Variants in RAD51B observed in about 807,000 individuals in gnomAD.
The protein encoded by RAD51B is DNA repair protein RAD51 homolog 2.
In RAD51B, 38 loss-of-function variants were observed where a neutral mutation model predicts 42.2. The ratio of observed to expected loss-of-function variants is 0.90; its 90% confidence interval spans 0.70 to 1.18. The LOEUF (loss-of-function observed/expected upper bound fraction) is 1.18, where lower values mean the gene tolerates loss of function less well. RAD51B is among the 50% of genes most tolerant of loss of function. The pLI, the probability that RAD51B is intolerant of heterozygous loss-of-function variation, is 0.00. For missense variants in RAD51B, 373 were observed against 400.7 expected, an observed-to-expected ratio of 0.93 and a Z score of 0.59; for synonymous variants, 154 against 145.2, an observed-to-expected ratio of 1.06 and a Z score of -0.43.
intron 7 of RAD51B, among the ~76,000 whole-genome samples, chr14:68,258,615 G>A (rs2080809289): frequency 1.3e-5 from 2 of 151,908 alleles, no homozygotes; most frequent in African/African-American, 2.4e-5. Flanking sequence ...TAATAAAATG[G>A]GGTGTGTGTG....
chr14:67,885,357 A>C (rs2043031894), intron 5 of RAD51B, among the ~76,000 whole-genome samples: 1 of 152,200 alleles, frequency 6.6e-6, no homozygotes, highest in African/African-American at 2.4e-5. Context: ...TTGGAACATT[A>C]ATTTATTTGG....
chr14:68,662,981 C>T (rs1892963983), intron 11 of RAD51B, among the ~76,000 whole-genome samples: 1 of 152,226 alleles, frequency 6.6e-6, no homozygotes, highest in Admixed American at 6.5e-5. Flanking sequence ...CAGTTGGGTT[C>T]TGCCAGTGGG....
intron 7 of RAD51B, among the ~76,000 whole-genome samples, chr14:68,197,389 G>A (rs2079394439): frequency 6.6e-6 from 1 of 152,060 alleles, no homozygotes; most frequent in South Asian, 2.1e-4. Flanking sequence ...TGAGTAGTAT[G>A]CCATTGTAAA....
chr14:68,057,675 A>T (rs921156300), intron 7 of RAD51B, among the ~76,000 whole-genome samples: 2 of 152,074 alleles, frequency 1.3e-5, no homozygotes, highest in African/African-American at 4.8e-5. Context: ...TACTAGAAAA[A>T]TTGCTGGTTT....
At chr14:68,531,731 G>A (rs1040560189) in intron 10 of RAD51B, among the ~76,000 whole-genome samples, 4 of 152,114 alleles carry the variant, frequency 2.6e-5, no homozygotes. Context: ...AGGCATGGTG[G>A]CTCACACTTA....
chr14:68,240,141 A>T (rs1253385872), intron 7 of RAD51B, among the ~76,000 whole-genome samples: 1 of 152,182 alleles, frequency 6.6e-6, no homozygotes, highest in Non-Finnish European at 1.5e-5. Flanking sequence ...TGTATCTACC[A>T]TTATAAAGAC....
intron 7 of RAD51B, among the ~76,000 whole-genome samples, chr14:68,124,667 T>C (rs1223911194): frequency 6.6e-6 from 1 of 152,146 alleles, no homozygotes; most frequent in Non-Finnish European, 1.5e-5. Flanking sequence ...AAAGGAATTA[T>C]GTAAGGCCGG....
chr14:68,673,587 A>G (rs1033689990), intron 11 of RAD51B, among the ~76,000 whole-genome samples: 3 of 144,306 alleles, frequency 2.1e-5, no homozygotes, highest in African/African-American at 5.4e-5. Flanking sequence ...CATACTGTAC[A>G]TACACATATG....
chr14:68,386,624 A>G (rs926317023), intron 8 of RAD51B, among the ~76,000 whole-genome samples: 2 of 152,154 alleles, frequency 1.3e-5, no homozygotes, highest in East Asian at 1.9e-4. Context: ...GATAGTGCCT[A>G]GTACCTGAGT....
intron 7 of RAD51B, among the ~76,000 whole-genome samples, chr14:68,073,373 T>C (rs1406336162): frequency 1.3e-5 from 2 of 152,218 alleles, no homozygotes; most frequent in Non-Finnish European, 2.9e-5. Context: ...TGTTTGCTTG[T>C]TGGATCTTTC....
chr14:68,406,276 A>T (rs1053985805), intron 8 of RAD51B, among the ~76,000 whole-genome samples: 5 of 152,332 alleles, frequency 3.3e-5, no homozygotes, highest in African/African-American at 1.2e-4. Context: ...TTGTGTGAAC[A>T]TCATAGAATG....
chr14:68,414,167 G>T lies in RAD51B; in HGVS notation c.957+2640G>T, dbSNP rs113916121. The stretch of plus-strand genomic sequence containing the variant: ...TTGTCTGAGGGAAGGAGTCCTCCCT[G>T]GCTGATTATTTTCTTTACACCCTGG... On this transcript the variant is annotated intron_variant, in intron 9 of 10. Coordinates refer to ENST00000471583, the MANE Select transcript of RAD51B (RefSeq NM_133510.4). 7.4e-3 allele frequency among the ~76,000 whole-genome samples: 1,126 copies of T among 152,132 alleles called. 14 individuals are homozygous for T. Among genetic ancestry groups the T allele is most frequent in the African/African-American group, 0.026 (1,091 of 41,478 alleles).
At chr14:68,153,702 T>C (rs1303224237) in intron 7 of RAD51B, among the ~76,000 whole-genome samples, 2 of 152,168 alleles carry the variant, frequency 1.3e-5, no homozygotes, top group Non-Finnish European at 2.9e-5. Context: ...TTCATTTACA[T>C]TTCTTATATA....
chr14:68,028,954 G>A (rs574832673), intron 7 of RAD51B, among the ~76,000 whole-genome samples: 4 of 152,274 alleles, frequency 2.6e-5, no homozygotes, highest in Admixed American at 2.6e-4. Flanking sequence ...TCTACTCCCT[G>A]GGCATATCCC....
chr14:68,469,102 C>T (rs775953602), intron 10 of RAD51B: 1 of 514,044 alleles, frequency 1.9e-6, no homozygotes, highest in African/African-American at 1.9e-5. Flanking sequence ...GGGCAGGAGA[C>T]CCCAACCACA....
chr14:68,675,113 TGGA>T (rs1372688340), intron 11 of RAD51B, among the ~76,000 whole-genome samples: 1 of 152,146 alleles, frequency 6.6e-6, no homozygotes, highest in Non-Finnish European at 1.5e-5. Context: ...CTGCCCAGCC[TGGA>T]GGAGAAGCAA....
At position 67,893,499 on chromosome 14, in the gene RAD51B, C is replaced by CAA. The variant is rs1224466170; in HGVS notation, c.756+6296_756+6297insAA. Among the ~76,000 whole-genome samples the CAA allele has an allele frequency of 6.5e-4, 54 of 82,482 alleles. 2 individuals are homozygous for CAA. Among genetic ancestry groups the CAA allele is most frequent in the Non-Finnish European group, 9.9e-4 (40 of 40,596 alleles). 54.1% of individuals were successfully genotyped at this position (82,482 alleles called of 152,430 possible). ...ACACACACACACACACACACACACACACACACACACAAAAAAAAACAATTA... is the reference window on the plus strand; with the variant it reads ...ACACACACACACACACACACACACACAAACACACACACAAAAAAAAACAATTA... On this transcript the variant is annotated intron_variant, in intron 7 of 10. Transcript: ENST00000471583.
chr14:68,014,223 C>A, intron 7 of RAD51B, among the ~76,000 whole-genome samples: 1 of 144,350 alleles, frequency 6.9e-6, no homozygotes. Flanking sequence ...TTCCCATTAA[C>A]AGTTGATGGA....
At chr14:68,654,206 G>A (rs1892762056) in intron 11 of RAD51B, among the ~76,000 whole-genome samples, 1 of 152,258 alleles carries the variant, frequency 6.6e-6, no homozygotes, top group South Asian at 2.1e-4. Context: ...ATATCTGAGT[G>A]GAGATGAAGA....
Sources: gnomAD v4.1 joint callset for allele counts (sites outside exome capture counted in the v4.1 genomes callset) on GRCh38, gnomAD v4.1.1 for gene constraint, MANE v1.5 for transcripts, NCBI Gene and HGNC (gene_info 2026-07-23, HGNC 2026-07-21) for gene names.